PARD6G: variants seen among roughly 807,000 people sequenced by gnomAD.
The protein encoded by PARD6G is par-6 family cell polarity regulator gamma.
Under a neutral mutation model 10.7 loss-of-function variants are expected in PARD6G, and 7 were observed. The observed-to-expected ratio is 0.66, with a 90% CI of 0.37 to 1.23. The LOEUF is 1.23. PARD6G is among the 50% of genes most tolerant of loss of function. PARD6G has a pLI of 0.02. For synonymous variants in PARD6G, 287 were observed against 269.4 expected (o/e 1.07, Z -0.64); for missense variants, 548 against 571.8 (o/e 0.96, Z 0.42).
rs139300088 is a variant in PARD6G at position 80,188,718 on chromosome 18, G to C, written c.295+13992C>G. 6.6e-6 allele frequency among the ~76,000 whole-genome samples: 1 copy of C among 152,156 alleles called. No homozygotes were observed. Among genetic ancestry groups the C allele is most frequent in the Non-Finnish European group, 1.5e-5 (1 of 68,024 alleles). Reference sequence around the variant, plus strand: ...GGGCAGAGTTCACACGGCTTCTCAGGGGCCTGCATCTCAGAAGATGGGCAG... The same window carrying C: ...GGGCAGAGTTCACACGGCTTCTCAGCGGCCTGCATCTCAGAAGATGGGCAG... On this transcript the variant is annotated intron_variant, in intron 2 of 2. Coordinates refer to ENST00000353265, the MANE Select transcript of PARD6G (RefSeq NM_032510.4). This position sits in a 1 kb window ranked among gnomAD's most constrained non-coding sequence, Gnocchi z 5.4.
At chr18:80,211,166 T>C (rs573242662) in intron 1 of PARD6G, among the ~76,000 whole-genome samples, 1 of 152,328 alleles carries the variant, frequency 6.6e-6, no homozygotes, top group South Asian at 2.1e-4. Flanking sequence ...TGCAGCTATT[T>C]ATATTTCTTA....
At chr18:80,186,021 C>T (rs1272107949) in intron 2 of PARD6G, among the ~76,000 whole-genome samples, 1 of 140,470 alleles carries the variant, frequency 7.1e-6, no homozygotes, top group Non-Finnish European at 1.5e-5. Context: ...CTCACACACG[C>T]ATATACCCTG....
rs1967018402 is a variant in PARD6G, at chr18:80,202,649, A to G, written c.295+61T>C. 3 of 1,477,920 alleles carry G rather than the reference A, an allele frequency of 2.0e-6. No individual in the cohort carries two copies. In the Admixed American group the frequency reaches 5.1e-5, roughly 25 times the overall value. The allele number at this position is 1,477,920 out of a possible 1,614,324, so 91.6% of individuals were successfully genotyped here. A position where few individuals can be genotyped will look rare whatever the true frequency, so the allele number is the denominator to read the frequency against. On this transcript the variant is annotated intron_variant, in intron 2 of 2. Transcript: ENST00000353265. Reference sequence around the variant, plus strand: ...GTCCTGTAATGACAGAAAAAATTGAAAACTGTATTTTAAAAATGATTTCTC... The same window carrying G: ...GTCCTGTAATGACAGAAAAAATTGAGAACTGTATTTTAAAAATGATTTCTC...
At chr18:80,214,473 A>T (rs1230501919) in intron 1 of PARD6G, among the ~76,000 whole-genome samples, 3 of 152,188 alleles carry the variant, frequency 2.0e-5, no homozygotes, top group Non-Finnish European at 4.4e-5. Context: ...TTCAAAAAAA[A>T]AAGAATGATA....
intron 1 of PARD6G, among the ~76,000 whole-genome samples, chr18:80,207,880 A>G (rs190388995): frequency 1.5e-3 from 223 of 152,328 alleles, no homozygotes; most frequent in Non-Finnish European, 1.7e-3. Context: ...ATTAGGACAA[A>G]AATCTCTTGA....
At chr18:80,217,285 A>G (rs1967178901) in intron 1 of PARD6G, among the ~76,000 whole-genome samples, 1 of 152,238 alleles carries the variant, frequency 6.6e-6, no homozygotes, top group Admixed American at 6.5e-5. Flanking sequence ...GAGGGAGAGT[A>G]GACAGGTCTA....
intron 1 of PARD6G, among the ~76,000 whole-genome samples, chr18:80,235,071 C>T (rs1319889540): frequency 1.4e-4 from 22 of 152,204 alleles, no homozygotes; most frequent in Admixed American, 1.4e-3. Context: ...CTCACCACCA[C>T]ACCACACCTA....
chr18:80,160,948 C>T (rs2052696932), intron 2 of PARD6G, among the ~76,000 whole-genome samples: 1 of 152,218 alleles, frequency 6.6e-6, no homozygotes, highest in South Asian at 2.1e-4. Flanking sequence ...AGGCAGCAGG[C>T]TGGACTGGGG....
intron 1 of PARD6G, among the ~76,000 whole-genome samples, chr18:80,219,694 G>A (rs537848815): frequency 4.1e-4 from 63 of 152,296 alleles, no homozygotes; most frequent in Middle Eastern, 3.4e-3. Context: ...CATAGCAAGA[G>A]TGACCTTTAC....
At chr18:80,162,568 A>G (rs1284963464) in intron 2 of PARD6G, 1 of 169,208 alleles carries the variant, frequency 5.9e-6, no homozygotes, top group African/African-American at 2.4e-5. Context: ...CCTCATAGAC[A>G]CTGCAAATCC....
chr18:80,186,492 TCA>T (rs1396925479), intron 2 of PARD6G, among the ~76,000 whole-genome samples: 2 of 139,680 alleles, frequency 1.4e-5, no homozygotes, highest in Non-Finnish European at 3.1e-5. Flanking sequence ...ACATGCACCC[TCA>T]CACATGCTCG....
At chr18:80,239,308 T>C (rs56350247) in intron 1 of PARD6G, among the ~76,000 whole-genome samples, 76,133 of 151,916 alleles carry the variant, frequency 0.5, 19,955 homozygotes, top group Non-Finnish European at 0.56. Flanking sequence ...CTTGGAGCAC[T>C]TGAGTGTGCC....
chr18:80,198,480 G>C (rs976222880), intron 2 of PARD6G, among the ~76,000 whole-genome samples: 6 of 152,188 alleles, frequency 3.9e-5, no homozygotes, highest in African/African-American at 1.4e-4. Flanking sequence ...ATATTGGAAT[G>C]CAACTACCAC....
intron 1 of PARD6G, among the ~76,000 whole-genome samples, chr18:80,214,718 C>G (rs1368744788): frequency 1.3e-5 from 2 of 151,972 alleles, no homozygotes; most frequent in Non-Finnish European, 2.9e-5. Context: ...CCTCAGAGGT[C>G]TGTGGGATAC....
At chr18:80,233,159 C>A (rs1967379245) in intron 1 of PARD6G, among the ~76,000 whole-genome samples, 1 of 152,246 alleles carries the variant, frequency 6.6e-6, no homozygotes, top group Non-Finnish European at 1.5e-5. Context: ...CTGCTCCTGT[C>A]CATGCAGACA....
chr18:80,227,878 T>G (rs1879103), intron 1 of PARD6G, among the ~76,000 whole-genome samples: 117,056 of 141,498 alleles, frequency 0.83, 48,518 homozygotes, highest in Non-Finnish European at 0.86. Flanking sequence ...TCACGAGACG[T>G]CAACCCCGGG....
chr18:80,203,043 T>C (rs1200168478), intron 1 of PARD6G, 111 bp from the exon 2 acceptor site: 1 of 706,496 alleles, frequency 1.4e-6, no homozygotes, highest in Non-Finnish European at 2.5e-6. Flanking sequence ...CATTCCACAT[T>C]TTCTTTAATC....
At chr18:80,174,830 T>C (rs1484432259) in intron 2 of PARD6G, among the ~76,000 whole-genome samples, 1 of 152,054 alleles carries the variant, frequency 6.6e-6, no homozygotes, top group Non-Finnish European at 1.5e-5. Context: ...GGCGGGCGCC[T>C]GTAGTCCCAG....
At chr18:80,213,547 T>A (rs1007808028) in intron 1 of PARD6G, among the ~76,000 whole-genome samples, 3 of 152,090 alleles carry the variant, frequency 2.0e-5, no homozygotes, top group Admixed American at 1.3e-4. Flanking sequence ...TAAGCAAAGA[T>A]TGAAAGTCAC....
Sources: allele counts gnomAD v4.1 joint callset (sites outside exome capture counted in the v4.1 genomes callset), GRCh38; gene constraint gnomAD v4.1.1; non-coding constraint Gnocchi (gnomAD v3.1); transcripts MANE v1.5; gene names NCBI Gene and HGNC (gene_info 2026-07-23, HGNC 2026-07-21).